FHAD1: variants seen among roughly 807,000 people sequenced by gnomAD.
The protein encoded by FHAD1 is forkhead associated phosphopeptide binding domain 1, also known as forkhead-associated domain-containing protein 1.
In FHAD1, 146 loss-of-function variants were observed where a neutral mutation model predicts 191.3. The observed-to-expected ratio is 0.76, with a 90% CI of 0.67 to 0.88. The LOEUF is 0.88. Ranked by LOEUF, FHAD1 falls within the 40% of genes least tolerant of loss-of-function variation. FHAD1 has a pLI of 0.00. For synonymous variants in FHAD1, 616 were observed against 672.3 expected (o/e 0.92, Z 1.29); for missense variants, 1,635 against 1,785.8 (o/e 0.92, Z 1.52).
Position 15,311,565 on chromosome 1 carries a change from C to T in FHAD1, c.1040-1492C>T, listed in dbSNP as rs184618283. ...TTTCTAAGGAACTTAACTGTGTCCCCGGACGAAGCTCATTTTTACAATGAA... is the reference window on the plus strand; with the variant it reads ...TTTCTAAGGAACTTAACTGTGTCCCTGGACGAAGCTCATTTTTACAATGAA... On this transcript the variant is annotated intron_variant, in intron 7 of 33. Coordinates refer to ENST00000688493, the MANE Select transcript of FHAD1 (RefSeq NM_001391957.1). This position sits in a 1 kb window ranked among gnomAD's most constrained non-coding sequence, Gnocchi z 4.1. Among the ~76,000 whole-genome samples the T allele has an allele frequency of 3.3e-4, 51 of 152,240 alleles. No individual in the cohort carries two copies. Among genetic ancestry groups the T allele is most frequent in the African/African-American group, 1.0e-3 (43 of 41,520 alleles).
chr1:15,271,268 G>A (rs1054429016), intron 2 of FHAD1, among the ~76,000 whole-genome samples: 39 of 152,142 alleles, frequency 2.6e-4, no homozygotes, highest in Admixed American at 2.0e-4. Flanking sequence ...AGCCGAGATC[G>A]TGCCACCACA....
intron 20 of FHAD1, among the ~76,000 whole-genome samples, chr1:15,356,935 C>A (rs1463911803): frequency 1.3e-5 from 2 of 152,030 alleles, no homozygotes; most frequent in African/African-American, 4.8e-5. Context: ...ATCGAACAAT[C>A]TTCCATGGCC....
intron 2 of FHAD1, among the ~76,000 whole-genome samples, chr1:15,253,591 T>C (rs1389761525): frequency 1.3e-5 from 2 of 152,204 alleles, no homozygotes; most frequent in African/African-American, 4.8e-5. Context: ...TGGTAAATGG[T>C]ATTATACTTT....
intron 2 of FHAD1, among the ~76,000 whole-genome samples, chr1:15,257,295 C>A (rs1224952777): frequency 6.6e-6 from 1 of 152,220 alleles, no homozygotes; most frequent in African/African-American, 2.4e-5. Flanking sequence ...ATGTGACCTA[C>A]CTGACAAATT....
intron 8 of FHAD1, among the ~76,000 whole-genome samples, chr1:15,313,420 A>G (rs1672930142): frequency 6.6e-6 from 1 of 152,218 alleles, no homozygotes; most frequent in South Asian, 2.1e-4. Flanking sequence ...ACCTTTTCAA[A>G]GATCGGCGTG....
intron 6 of FHAD1, among the ~76,000 whole-genome samples, chr1:15,306,294 G>C (rs540778863): frequency 6.6e-6 from 1 of 152,320 alleles, no homozygotes; most frequent in Admixed American, 6.5e-5. Context: ...TTCAAAAGGT[G>C]ACTTGGGTGC....
rs1424420696 is a variant in FHAD1 at position 15,317,854 on chromosome 1, A to C, written c.1291A>C (p.Lys431Gln). The change falls in exon 10 of 34, where the codon AAG becomes CAG. Residue 431 changes from lysine to glutamine, a missense_variant. Transcript: ENST00000688493. ...CCAAGACATGGAGAAAGAAATGAAG[A>C]AGCTTAGGGCAGAGCTGAGGAAGAG... ...QIQDMEKEMK[K>Q]LRAELRKSCT... 1 of 1,551,744 alleles carries C rather than the reference A, an allele frequency of 6.4e-7. No individual in the cohort carries two copies. The highest frequency in any genetic ancestry group is 8.7e-7 in the Non-Finnish European group (1 of 1,146,982).
In FHAD1 at chr1:15,327,215, C is replaced by A. The variant is rs530550477; in HGVS notation, c.1557+73C>A. On this transcript the variant is annotated intron_variant, in intron 12 of 33. Coordinates refer to ENST00000688493, the MANE Select transcript of FHAD1 (RefSeq NM_001391957.1). The surrounding 1 kb of genome is among the most constrained non-coding windows in gnomAD (Gnocchi z 5.1). ...CTTCTTCGTGGATCTGGATTCCAGA[C>A]CCTGGGAGCATATGTTTCTGTTTTT... 2.0e-6 allele frequency: 2 copies of A among 975,796 alleles called. No individual in the cohort carries two copies. The highest frequency in any genetic ancestry group is 1.5e-5 in the South Asian group (1 of 67,502). The allele number at this position is 975,796 out of a possible 1,614,324, so 60.4% of individuals were successfully genotyped here. A position where few individuals can be genotyped will look rare whatever the true frequency, so the allele number is the denominator to read the frequency against.
At chr1:15,258,026 C>T (rs1326760447) in intron 2 of FHAD1, among the ~76,000 whole-genome samples, 1 of 152,012 alleles carries the variant, frequency 6.6e-6, no homozygotes, top group East Asian at 1.9e-4. Flanking sequence ...ATTTCTAGTA[C>T]AGACGGGGTT....
Position 15,251,994 on chromosome 1 carries a change from G to GCC in FHAD1, c.93+118_93+119dup, listed in dbSNP as rs951015785. 4.8e-6 allele frequency: 4 copies of GCC among 839,394 alleles called. No individual in the cohort carries two copies. The African/African-American group carries it at 5.2e-5, about 11-fold the overall frequency. The allele number at this position is 839,394 out of a possible 1,614,324, so 52.0% of individuals were successfully genotyped here. ...TTGTACACCACAACCTGGGCAAGCA[G>GCC]CCATACCTTTCCTTGGTGTGCTACC... On this transcript the variant is annotated intron_variant, in intron 2 of 33. Transcript: ENST00000688493.
intron 26 of FHAD1, among the ~76,000 whole-genome samples, chr1:15,371,263 C>T (rs567074665): frequency 3.9e-5 from 6 of 152,332 alleles, no homozygotes; most frequent in East Asian, 1.9e-4. Flanking sequence ...CCACACCAAA[C>T]GCCCTTGGAC....
chr1:15,323,707 T>G (rs907460468), intron 10 of FHAD1, among the ~76,000 whole-genome samples: 2 of 152,008 alleles, frequency 1.3e-5, no homozygotes, highest in Non-Finnish European at 2.9e-5. Context: ...AGCTGCAGGG[T>G]CCTGTAATGG....
At chr1:15,298,288 A>G (rs964655519) in intron 5 of FHAD1, among the ~76,000 whole-genome samples, 7 of 152,252 alleles carry the variant, frequency 4.6e-5, no homozygotes, top group African/African-American at 1.7e-4. Context: ...ATGGAAAACC[A>G]AACATCGTAT....
At chr1:15,359,820 G>A (rs1295099188) in intron 21 of FHAD1, among the ~76,000 whole-genome samples, 1 of 152,160 alleles carries the variant, frequency 6.6e-6, no homozygotes, top group East Asian at 1.9e-4. Context: ...CGTGGTGGCG[G>A]GCGCCTGTAG....
intron 19 of FHAD1, among the ~76,000 whole-genome samples, chr1:15,349,687 A>G (rs936525390): frequency 2.6e-5 from 4 of 152,250 alleles, no homozygotes; most frequent in Non-Finnish European, 4.4e-5. Flanking sequence ...GAGATGGCAC[A>G]GGTAGGTGCA....
At chr1:15,236,641 G>T (rs1644818441) in exon 1 of FHAD1, among the ~76,000 whole-genome samples, 1 of 152,194 alleles carries the variant, frequency 6.6e-6, no homozygotes, top group Non-Finnish European at 1.5e-5. Flanking sequence ...AGTCTTTCTG[G>T]GACCATTATA....
At chr1:15,353,732 G>GAA (rs60543047) in intron 20 of FHAD1, among the ~76,000 whole-genome samples, 1 of 116,728 alleles carries the variant, frequency 8.6e-6, no homozygotes, top group African/African-American at 3.2e-5. Context: ...AAAAAGAAAA[G>GAA]AAAAAAAAAA....
At chr1:15,309,016 T>C (rs551835075) in intron 7 of FHAD1, among the ~76,000 whole-genome samples, 1 of 152,206 alleles carries the variant, frequency 6.6e-6, no homozygotes, top group Non-Finnish European at 1.5e-5. Context: ...CTGCTGAGCA[T>C]GGACCTCACC....
At chr1:15,377,308 G>T (rs750815030) in intron 28 of FHAD1, among the ~76,000 whole-genome samples, 10 of 152,180 alleles carry the variant, frequency 6.6e-5, no homozygotes, top group South Asian at 6.2e-4. Context: ...TTCCCTGAGG[G>T]TGGGAGTGGA....
Sources: gnomAD v4.1 joint callset for allele counts (sites outside exome capture counted in the v4.1 genomes callset) on GRCh38, gnomAD v4.1.1 for gene constraint, Gnocchi (gnomAD v3.1) non-coding constraint, MANE v1.5 for transcripts, NCBI Gene and HGNC (gene_info 2026-07-23, HGNC 2026-07-21) for gene names.